TULP4: variants seen among roughly 807,000 people sequenced by gnomAD.
The protein encoded by TULP4 is tubby-related protein 4.
A neutral mutation model predicts 129.0 loss-of-function variants in TULP4; 16 were observed. The observed-to-expected ratio is 0.12, with a 90% confidence interval of 0.08 to 0.19. The LOEUF is 0.19. Ranked by LOEUF, TULP4 falls within the 10% of genes least tolerant of loss-of-function variation. The pLI is 1.00. For missense variants in TULP4, 1,842 were observed against 2,059.1 expected, an observed-to-expected ratio of 0.89 and a Z score of 2.04; for synonymous variants, 998 against 854.0, an observed-to-expected ratio of 1.17 and a Z score of -2.94.
chr6:158,358,340 A>G (rs1780694408), intron 1 of TULP4, among the ~76,000 whole-genome samples: 1 of 152,256 alleles, frequency 6.6e-6, no homozygotes, highest in Admixed American at 6.5e-5. Flanking sequence ...TATTATGCTC[A>G]GAATACTCTA....
chr6:158,314,863 C>G (rs1471465361), intron 1 of TULP4, among the ~76,000 whole-genome samples: 1 of 152,144 alleles, frequency 6.6e-6, no homozygotes, highest in Admixed American at 6.5e-5. Context: ...TATATTTGTA[C>G]ATGTAGATTC....
chr6:158,239,199 T>C (rs1340257974), intron 1 of TULP4, among the ~76,000 whole-genome samples: 12 of 54,610 alleles, frequency 2.2e-4, no homozygotes, highest in African/African-American at 2.7e-4. Context: ...CCCCCCCACC[T>C]CCCTCCCGGA....
intron 1 of TULP4, among the ~76,000 whole-genome samples, chr6:158,301,403 T>A (rs1779128902): frequency 6.6e-6 from 1 of 152,210 alleles, no homozygotes; most frequent in African/African-American, 2.4e-5. Context: ...ACAGTTTTTT[T>A]TTTTTTGGAT....
intron 1 of TULP4, among the ~76,000 whole-genome samples, chr6:158,293,081 A>C (rs1450292749): frequency 1.3e-5 from 2 of 152,200 alleles, no homozygotes; most frequent in East Asian, 3.8e-4. Context: ...CTTTTAAACT[A>C]CTAATCAAGC....
intron 1 of TULP4, among the ~76,000 whole-genome samples, chr6:158,348,548 C>G (rs574256900): frequency 5.3e-5 from 8 of 152,314 alleles, no homozygotes; most frequent in African/African-American, 1.9e-4. Context: ...TGGTACAGAA[C>G]AAAATGGAGT....
intron 1 of TULP4, chr6:158,241,766 T>TGTATTTTTA: frequency 2.3e-6 from 1 of 441,570 alleles, no homozygotes; most frequent in East Asian, 4.8e-5. Flanking sequence ...AGCTAATTTT[T>TGTATTTTTA]GTATTTTTAG....
intron 1 of TULP4, among the ~76,000 whole-genome samples, chr6:158,358,359 C>T (rs1365241310): frequency 6.6e-6 from 1 of 152,208 alleles, no homozygotes; most frequent in Non-Finnish European, 1.5e-5. Flanking sequence ...TATTCTCACC[C>T]TACTGAGGTA....
chr6:158,284,474 G>A (rs1252138459), intron 1 of TULP4, among the ~76,000 whole-genome samples: 3 of 152,212 alleles, frequency 2.0e-5, no homozygotes, highest in South Asian at 2.1e-4. Context: ...ATATGCTGAC[G>A]ATAGAAACAT....
chr6:158,412,915 T>A, intron 1 of TULP4, 150 bp from the exon 2 acceptor site: 1 of 1,105,698 alleles, frequency 9.0e-7, no homozygotes, highest in Non-Finnish European at 1.2e-6. Flanking sequence ...GTGAGCTCTG[T>A]CTGTTCCCTG....
In TULP4 at chr6:158,384,505, A is replaced by G. The variant is rs568447047; in HGVS notation, c.253-28560A>G. Among the ~76,000 whole-genome samples the G allele has an allele frequency of 7.9e-5, 12 of 152,054 alleles. No homozygotes were observed. In the South Asian group the frequency reaches 2.1e-3, roughly 26 times the overall value. On this transcript the variant is annotated intron_variant, in intron 1 of 13. Transcript: ENST00000367097. The stretch of plus-strand genomic sequence containing the variant: ...GGGTTTCACTGTGTTAGCCAGGATG[A>G]TCTTGATCTCCTGACCTCATGATCC...
chr6:158,318,368 C>G (rs773052469), intron 1 of TULP4, among the ~76,000 whole-genome samples: 2 of 152,176 alleles, frequency 1.3e-5, no homozygotes, highest in Non-Finnish European at 2.9e-5. Context: ...GTGACCAACT[C>G]TCCTAGCTTC....
chr6:158,458,443 C>G (rs1323483795), intron 5 of TULP4, among the ~76,000 whole-genome samples: 1 of 152,138 alleles, frequency 6.6e-6, no homozygotes, highest in Non-Finnish European at 1.5e-5. Context: ...CTAGAACTCC[C>G]CATTGCCTGT....
At chr6:158,415,651 C>T (rs372813464) in intron 2 of TULP4, among the ~76,000 whole-genome samples, 18 of 150,338 alleles carry the variant, frequency 1.2e-4, no homozygotes, top group African/African-American at 3.9e-4. Context: ...TGAGCCACTG[C>T]GCCCGGCCGC....
chr6:158,429,962 G>A, intron 3 of TULP4, 65 bp downstream of exon 3: 2 of 1,466,930 alleles, frequency 1.4e-6, no homozygotes, highest in Non-Finnish European at 1.8e-6. Context: ...GGGAAGAAAG[G>A]GGCAGGAGAG....
chr6:158,383,736 C>T (rs188929549), intron 1 of TULP4, among the ~76,000 whole-genome samples: 2 of 152,318 alleles, frequency 1.3e-5, no homozygotes, highest in East Asian at 1.9e-4. Flanking sequence ...TCTCGGGGCA[C>T]ATGGTCTGTG....
At chr6:158,379,543 G>C (rs1475400649) in intron 1 of TULP4, among the ~76,000 whole-genome samples, 1 of 152,222 alleles carries the variant, frequency 6.6e-6, no homozygotes, top group Non-Finnish European at 1.5e-5. Context: ...GTGGCTCAGG[G>C]AGTGGGAGCT....
At chr6:158,260,048 C>T (rs559791188) in intron 1 of TULP4, among the ~76,000 whole-genome samples, 1 of 152,182 alleles carries the variant, frequency 6.6e-6, no homozygotes, top group African/African-American at 2.4e-5. Flanking sequence ...CAGTCTCCAG[C>T]CCCTCTTCTT....
At chr6:158,339,051 C>T (rs775304784) in intron 1 of TULP4, among the ~76,000 whole-genome samples, 5 of 152,172 alleles carry the variant, frequency 3.3e-5, no homozygotes, top group Admixed American at 6.5e-5. Flanking sequence ...ATTGGTGTGC[C>T]AGATATCAGG....
chr6:158,449,916 A>T (rs946038107), intron 4 of TULP4, among the ~76,000 whole-genome samples: 7 of 152,218 alleles, frequency 4.6e-5, no homozygotes. Flanking sequence ...GTACATATTC[A>T]TGAGCTACAT....
Sources: gnomAD v4.1 joint callset for allele counts (sites outside exome capture counted in the v4.1 genomes callset) on GRCh38, gnomAD v4.1.1 for gene constraint, MANE v1.5 for transcripts, NCBI Gene and HGNC (gene_info 2026-07-23, HGNC 2026-07-21) for gene names.